Variants in MSH4 observed in about 807,000 individuals in gnomAD.
The protein encoded by MSH4 is mutS protein homolog 4.
MSH4 carries 106 observed loss-of-function variants against 113.7 expected under a neutral mutation model. The ratio of observed to expected loss-of-function variants is 0.93; its 90% confidence interval spans 0.80 to 1.10. The LOEUF is 1.10. MSH4 is among the 50% of genes least tolerant of loss of function. The probability of loss-of-function intolerance (pLI) is 0.00; values close to 1 mark genes in which losing one functional copy is unlikely to be tolerated. For missense variants in MSH4, 1,061 were observed against 1,093.7 expected (o/e 0.97, Z 0.42); for synonymous variants, 368 against 380.2 (o/e 0.97, Z 0.37).
intron 7 of MSH4, among the ~76,000 whole-genome samples, chr1:75,832,063 A>C (rs568432126): frequency 1.2e-4 from 19 of 152,370 alleles, no homozygotes; most frequent in African/African-American, 4.6e-4. Context: ...AAGAAAAGAG[A>C]GAAGAATCAA....
At chr1:75,904,916 G>A (rs12081339) in intron 19 of MSH4, among the ~76,000 whole-genome samples, 4,067 of 151,856 alleles carry the variant, frequency 0.027, 177 homozygotes, top group African/African-American at 0.091. Context: ...ATGATCCTTT[G>A]TATTTCTGTG....
chr1:75,797,343 G>C lies in MSH4; in HGVS notation c.244+114G>C. The C allele has an allele frequency of 2.9e-6, 4 of 1,383,178 alleles. No individual in the cohort carries two copies. In the South Asian group the frequency reaches 5.7e-5, roughly 20 times the overall value. The allele number at this position is 1,383,178 out of a possible 1,614,324, so 85.7% of individuals were successfully genotyped here. ...AGTGAAGTTGTGATTTGGTTGGGGC[G>C]TGAGATCTGAGTGCCCTGGGAATTT... On this transcript the variant is annotated intron_variant, in intron 1 of 19. Coordinates refer to ENST00000263187, the MANE Select transcript of MSH4 (RefSeq NM_002440.4).
intron 7 of MSH4, among the ~76,000 whole-genome samples, chr1:75,839,180 A>T (rs1557504226): frequency 6.6e-6 from 1 of 152,052 alleles, no homozygotes; most frequent in Non-Finnish European, 1.5e-5. Context: ...TCAAAGTGAT[A>T]TCTATAAATA....
intron 2 of MSH4, 138 bp from the exon 3 acceptor site, chr1:75,806,843 A>T: frequency 1.4e-6 from 1 of 690,178 alleles, no homozygotes. Context: ...TCCTTTAGGG[A>T]GAATTGAAAT....
At chr1:75,881,419 T>C in intron 14 of MSH4, 49 bp downstream of exon 14, 3 of 1,571,742 alleles carry the variant, frequency 1.9e-6, no homozygotes, top group Non-Finnish European at 2.6e-6. Flanking sequence ...AAATTTGTAT[T>C]CGATTCAAAC....
At chr1:75,834,804 G>A (rs1372788214) in intron 7 of MSH4, among the ~76,000 whole-genome samples, 1 of 152,150 alleles carries the variant, frequency 6.6e-6, no homozygotes, top group Non-Finnish European at 1.5e-5. Flanking sequence ...GGGAGGGATA[G>A]CATTAGGAGA....
intron 6 of MSH4, among the ~76,000 whole-genome samples, chr1:75,818,033 C>T (rs1427005550): frequency 6.6e-6 from 1 of 152,158 alleles, no homozygotes; most frequent in African/African-American, 2.4e-5. Context: ...TCACCATTTC[C>T]AAGGCTACTA....
At chr1:75,826,119 T>C (rs1650544592) in intron 7 of MSH4, among the ~76,000 whole-genome samples, 1 of 152,202 alleles carries the variant, frequency 6.6e-6, no homozygotes, top group Non-Finnish European at 1.5e-5. Context: ...TGGTGGGCTA[T>C]TAATTACTCC....
chr1:75,807,150 T>C lies in MSH4; in HGVS notation c.588+9T>C, dbSNP rs747263425. On this transcript the variant is annotated intron_variant, in intron 3 of 19. Coordinates refer to ENST00000263187, the MANE Select transcript of MSH4 (RefSeq NM_002440.4). ...ACACAACATATGCAAAGGTAAGTAT[T>C]AATAATTCTAGAAAATGGTTGCTCT... 2 of 1,525,676 alleles carry C rather than the reference T, an allele frequency of 1.3e-6. No homozygotes were observed. The highest frequency in any genetic ancestry group is 5.0e-5 in the Admixed American group (2 of 40,078). 94.5% of individuals were successfully genotyped at this position (1,525,676 alleles called of 1,614,324 possible).
At chr1:75,896,394 C>CACACACAT (rs571761055) in intron 17 of MSH4, among the ~76,000 whole-genome samples, 5,820 of 147,156 alleles carry the variant, frequency 0.04, 257 homozygotes, top group Non-Finnish European at 0.052. Flanking sequence ...CACACACACA[C>CACACACAT]CCTATTGGTC....
At chr1:75,869,552 G>C (rs1423066606) in intron 9 of MSH4, among the ~76,000 whole-genome samples, 1 of 152,156 alleles carries the variant, frequency 6.6e-6, no homozygotes, top group Non-Finnish European at 1.5e-5. Context: ...GGCCCCGCTT[G>C]CTCTGTGCAG....
At chr1:75,854,353 G>A (rs1439434054) in intron 8 of MSH4, among the ~76,000 whole-genome samples, 1 of 151,960 alleles carries the variant, frequency 6.6e-6, no homozygotes. Context: ...ACTCCCTGCT[G>A]AACTGTCTTC....
At chr1:75,854,007 G>GTATATATATATATATATATATA (rs150197709) in intron 8 of MSH4, among the ~76,000 whole-genome samples, 143 of 50,346 alleles carry the variant, frequency 2.8e-3, no homozygotes, top group African/African-American at 6.0e-3. Context: ...GCATAAGTGT[G>GTATATATATATATATATATATA]TGTGTGTATA....
chr1:75,893,344 C>T (rs1316540699), intron 17 of MSH4, among the ~76,000 whole-genome samples: 1 of 152,102 alleles, frequency 6.6e-6, no homozygotes. Flanking sequence ...AGAATTACAA[C>T]ACAAGTTGAA....
chr1:75,857,027 T>C (rs1180917719), intron 8 of MSH4, among the ~76,000 whole-genome samples: 2 of 152,238 alleles, frequency 1.3e-5, no homozygotes, highest in African/African-American at 2.4e-5. Context: ...TTTGCATTTC[T>C]CTAATGACCA....
At chr1:75,820,767 C>A (rs1270554676) in intron 6 of MSH4, among the ~76,000 whole-genome samples, 5 of 152,082 alleles carry the variant, frequency 3.3e-5, no homozygotes, top group Non-Finnish European at 7.3e-5. Flanking sequence ...TTTCAAAAAA[C>A]CAGCTCCTGG....
At chr1:75,841,016 G>A (rs903922400) in intron 7 of MSH4, among the ~76,000 whole-genome samples, 1 of 152,240 alleles carries the variant, frequency 6.6e-6, no homozygotes, top group South Asian at 2.1e-4. Context: ...AATCCTAGCA[G>A]TGATATTCGA....
chr1:75,903,975 T>C (rs925457763), intron 19 of MSH4, among the ~76,000 whole-genome samples: 3 of 152,144 alleles, frequency 2.0e-5, no homozygotes, highest in Non-Finnish European at 4.4e-5. Flanking sequence ...CCATTTTTAC[T>C]CCCATAGTAT....
chr1:75,867,479 G>T (rs772136660), intron 8 of MSH4, 35 bp from the exon 9 acceptor site: 7 of 1,110,658 alleles, frequency 6.3e-6, no homozygotes, highest in African/African-American at 6.3e-5. Context: ...AAATATTTAT[G>T]GTGTCCATCC....
Sources: allele counts gnomAD v4.1 joint callset (sites outside exome capture counted in the v4.1 genomes callset), GRCh38; gene constraint gnomAD v4.1.1; transcripts MANE v1.5; gene names NCBI Gene and HGNC (gene_info 2026-07-23, HGNC 2026-07-21).